FBXL5: variants seen among roughly 807,000 people sequenced by gnomAD.
FBXL5 encodes F-box/LRR-repeat protein 5.
Under a neutral mutation model 78.3 loss-of-function variants are expected in FBXL5, and 26 were observed. The observed-to-expected ratio is 0.33, with a 90% confidence interval of 0.24 to 0.46. The LOEUF (loss-of-function observed/expected upper bound fraction) is 0.46, where lower values mean the gene tolerates loss of function less well. FBXL5 is among the 20% of genes least tolerant of loss of function. FBXL5 has a pLI of 1.00. For missense variants in FBXL5, 710 were observed against 829.2 expected (o/e 0.86, Z 1.77); for synonymous variants, 295 against 282.5 (o/e 1.04, Z -0.45).
At chr4:15,639,331 A>C (rs779724061) in intron 3 of FBXL5, among the ~76,000 whole-genome samples, 4 of 152,212 alleles carry the variant, frequency 2.6e-5, no homozygotes, top group Non-Finnish European at 5.9e-5. Flanking sequence ...GCCTTCTGGT[A>C]CTAGAGTAAC....
intron 9 of FBXL5, among the ~76,000 whole-genome samples, chr4:15,624,276 C>T (rs1712783307): frequency 6.6e-6 from 1 of 152,136 alleles, no homozygotes; most frequent in South Asian, 2.1e-4. Flanking sequence ...TAATCGATTA[C>T]TGCACATCAG....
intron 5 of FBXL5, 90 bp from the exon 6 acceptor site, chr4:15,630,881 T>C: frequency 6.6e-7 from 1 of 1,512,492 alleles, no homozygotes; most frequent in Non-Finnish European, 8.9e-7. Context: ...TAAAAATCTC[T>C]ACAAAGAGAA....
At chr4:15,656,307 C>G, upstream of FBXL5, 1 of 456,224 alleles carries the variant, frequency 2.2e-6, no homozygotes, top group Non-Finnish European at 4.4e-6. Context: ...TCTCTGCTCA[C>G]GCCGGTCAGT....
At chr4:15,672,822 ACT>A (rs1468874516) in intron 1 of FBXL5, among the ~76,000 whole-genome samples, 11 of 152,162 alleles carry the variant, frequency 7.2e-5, no homozygotes, top group Non-Finnish European at 2.9e-5. Context: ...TAACTTTTTG[ACT>A]CTCTTGTAAT....
Position 15,605,028 on chromosome 4 carries a change from T to C in FBXL5, c.*695A>G, listed in dbSNP as rs1721791668. 6.6e-6 allele frequency: 1 copy of C among 152,580 alleles called. No homozygotes were observed. The highest frequency in any genetic ancestry group is 2.4e-5 in the African/African-American group (1 of 41,460). The allele number at this position is 152,580 out of a possible 1,614,324, so 9.5% of individuals were successfully genotyped here. On this transcript the variant is annotated 3_prime_UTR_variant, in exon 11 of 11. Coordinates refer to ENST00000341285, the MANE Select transcript of FBXL5 (RefSeq NM_012161.4). ...GTATTACTTGGTAAAGTCCTCAAAG[T>C]AGATTTTATTTATACATTTCTTCAA...
At chr4:15,669,792 A>G (rs183442603) in intron 1 of FBXL5, among the ~76,000 whole-genome samples, 78 of 152,328 alleles carry the variant, frequency 5.1e-4, no homozygotes, top group African/African-American at 1.8e-3. Flanking sequence ...TCCAAAGACA[A>G]TATCTAAGTA....
chr4:15,659,558 C>T (rs886186360), upstream of FBXL5, among the ~76,000 whole-genome samples: 8 of 152,184 alleles, frequency 5.3e-5, no homozygotes, highest in African/African-American at 1.9e-4. Context: ...AGAGTAGTCC[C>T]ATTCCTTAGA....
chr4:15,638,231 T>C lies in FBXL5; in HGVS notation c.583+277A>G, dbSNP rs146184979. Among the ~76,000 whole-genome samples, 569 of 152,338 alleles carry C rather than the reference T, an allele frequency of 3.7e-3. 4 individuals are homozygous for C. Among genetic ancestry groups the C allele is most frequent in the African/African-American group, 0.013 (537 of 41,568 alleles). On this transcript the variant is annotated intron_variant, in intron 4 of 10. Coordinates refer to ENST00000341285, the MANE Select transcript of FBXL5 (RefSeq NM_012161.4). ...TGAGCAGGCCAGTGCTCTGTACTGG[T>C]GGTTTTCAATAATTTTGATTCATTC...
chr4:15,666,321 C>T (rs747591790), intron 1 of FBXL5, among the ~76,000 whole-genome samples: 129 of 151,872 alleles, frequency 8.5e-4, no homozygotes, highest in Non-Finnish European at 1.5e-3. Flanking sequence ...ATTGCTTGAG[C>T]CCAGGATGGT....
Position 15,638,624 on chromosome 4 carries a change from G to A in FBXL5, c.467C>T (p.Ala156Val). ...ELKDIKKKVI[A>V]QHCSQKDTAE... ...AGTATCCTTCTGAGAGCAGTGTTGT[G>A]CAATCACTTTCTTTTTAATATCCTT... is the stretch of plus-strand genomic sequence containing the variant. The change falls in exon 4 of 11, where the codon GCA becomes GTA. Residue 156 changes from alanine (A) to valine (V), a missense_variant. Ala to Val is a moderately conservative substitution (Grantham distance 64, BLOSUM62 0). Around this residue, in one of 4 missense-constraint regions of FBXL5, gnomAD observed 517 missense variants for 542.9 expected, o/e 0.95. Transcript: ENST00000341285. 6.2e-7 allele frequency: 1 copy of A among 1,613,260 alleles called. No homozygotes were observed. The highest frequency in any genetic ancestry group is 8.5e-7 in the Non-Finnish European group (1 of 1,179,428).
At chr4:15,660,082 A>ATT (rs773132678), upstream of FBXL5, among the ~76,000 whole-genome samples, 2 of 140,500 alleles carry the variant, frequency 1.4e-5, no homozygotes, top group Non-Finnish European at 1.6e-5. Flanking sequence ...TACCCCTGAC[A>ATT]TTTTTTTTTT....
chr4:15,662,671 T>C (rs1717366910), upstream of FBXL5, among the ~76,000 whole-genome samples: 1 of 152,216 alleles, frequency 6.6e-6, no homozygotes, highest in South Asian at 2.1e-4. Context: ...AAAAATTGTT[T>C]TTTTCAATAT....
chr4:15,640,643 GT>G, intron 3 of FBXL5, 144 bp downstream of exon 3: 2 of 426,688 alleles, frequency 4.7e-6, no homozygotes, highest in Non-Finnish European at 8.4e-6. Flanking sequence ...TTTCCCTTGG[GT>G]TTTCTTTTTT....
At chr4:15,645,829 T>C (rs567530079) in intron 1 of FBXL5, among the ~76,000 whole-genome samples, 1 of 152,392 alleles carries the variant, frequency 6.6e-6, no homozygotes, top group South Asian at 2.1e-4. Flanking sequence ...GCTATTATCA[T>C]TTTGAAAATT....
chr4:15,634,356 T>A (rs1480647941), intron 5 of FBXL5, among the ~76,000 whole-genome samples: 1 of 78,716 alleles, frequency 1.3e-5, no homozygotes, highest in Non-Finnish European at 2.8e-5. Context: ...GTCTGACTAA[T>A]TTTTTTTCTT....
chr4:15,650,827 T>G (rs1187478206), intron 1 of FBXL5, among the ~76,000 whole-genome samples: 1 of 151,932 alleles, frequency 6.6e-6, no homozygotes, highest in Non-Finnish European at 1.5e-5. Context: ...GAGATGAGGT[T>G]TCACCATCTT....
At chr4:15,638,469 T>TA (rs778629320) in intron 4 of FBXL5, 39 bp downstream of exon 4, 3 of 1,455,740 alleles carry the variant, frequency 2.1e-6, no homozygotes, top group Non-Finnish European at 2.8e-6. Context: ...TCAATGACCT[T>TA]ACAACTAATA....
chr4:15,645,577 G>A (rs1159473762), intron 1 of FBXL5, among the ~76,000 whole-genome samples: 2 of 151,964 alleles, frequency 1.3e-5, no homozygotes, highest in Admixed American at 6.6e-5. Flanking sequence ...ACAGGTGCTC[G>A]CCACCACGCC....
At chr4:15,607,443 C>T (rs1721966268) in intron 10 of FBXL5, among the ~76,000 whole-genome samples, 1 of 151,920 alleles carries the variant, frequency 6.6e-6, no homozygotes, top group South Asian at 2.1e-4. Context: ...ATTATTTTCC[C>T]TTAAAATAAG....
Sources: allele counts gnomAD v4.1 joint callset (sites outside exome capture counted in the v4.1 genomes callset), GRCh38; gene constraint gnomAD v4.1.1; regional missense constraint gnomAD v4.1.1; transcripts MANE v1.5; gene names NCBI Gene and HGNC (gene_info 2026-07-23, HGNC 2026-07-21).